TTC23: variants seen among roughly 807,000 people sequenced by gnomAD.
TTC23 encodes tetratricopeptide repeat protein 23.
Under a neutral mutation model 55.1 loss-of-function variants are expected in TTC23, and 58 were observed. That is an observed-to-expected ratio of 1.05 (90% CI 0.85 to 1.31). TTC23 has a LOEUF of 1.31. Among genes scored for constraint, TTC23 ranks in the 50% most tolerant of loss-of-function variants. The pLI is 0.00. For missense variants in TTC23, 516 were observed against 534.4 expected (o/e 0.97, Z 0.34); for synonymous variants, 203 against 199.9 (o/e 1.02, Z -0.13).
chr15:99,228,390 G>A (rs1382027271), intron 5 of TTC23, 143 bp downstream of exon 5: 1 of 651,192 alleles, frequency 1.5e-6, no homozygotes, highest in African/African-American at 1.8e-5. Context: ...ATTCATTCAT[G>A]TTATAACAAA....
Position 99,199,932 on chromosome 15 carries a change from T to A in TTC23, c.746A>T (p.Asn249Ile), listed in dbSNP as rs754156421. The A allele has an allele frequency of 5.0e-6, 8 of 1,611,750 alleles. No homozygotes were observed. Among genetic ancestry groups the A allele is most frequent in the Non-Finnish European group, 6.8e-6 (8 of 1,178,914 alleles). The part of the protein sequence containing the change: ...QALGLHDVSI[N>I]HFLQAHLIIL... ...CTTGTAGCTTACCTGGAGGAAGTGGTTGATGGATACATCGTGGAGTCCCAG... is the reference window on the plus strand; with the variant it reads ...CTTGTAGCTTACCTGGAGGAAGTGGATGATGGATACATCGTGGAGTCCCAG... The change falls in exon 9 of 14, where the codon AAC becomes ATC. Residue 249 changes from asparagine to isoleucine, a missense_variant. Asn to Ile is a moderately radical substitution (Grantham distance 149, BLOSUM62 -3). Transcript: ENST00000394132.
intron 4 of TTC23, among the ~76,000 whole-genome samples, chr15:99,229,092 A>G (rs1171757766): frequency 7.2e-6 from 1 of 139,688 alleles, no homozygotes; most frequent in African/African-American, 2.6e-5. Context: ...ACATATATAT[A>G]TAAAGTCCAG....
At chr15:99,151,472 A>G (rs1202340683) in intron 12 of TTC23, 1 of 152,348 alleles carries the variant, frequency 6.6e-6, no homozygotes, top group East Asian at 1.9e-4. Flanking sequence ...AGACATTGCC[A>G]TGAGAGATGA....
At position 99,180,151 on chromosome 15, in the gene TTC23, A is replaced by G. The variant is rs372979082; in HGVS notation, c.760-4996T>C. Among the ~76,000 whole-genome samples, 40 of 151,964 alleles carry G rather than the reference A, an allele frequency of 2.6e-4. 1 individual carries two copies. The South Asian group carries it at 8.1e-3, about 31-fold the overall frequency. The stretch of plus-strand genomic sequence containing the variant: ...CACTCCTTCTCCTCAGGATTTATTA[A>G]TCTCCCCAGGGCTTGCATTTCCCCT... On this transcript the variant is annotated intron_variant, in intron 9 of 13. Coordinates refer to ENST00000394132, the MANE Select transcript of TTC23 (RefSeq NM_001288615.3).
At chr15:99,215,160 G>C (rs528029865) in intron 8 of TTC23, among the ~76,000 whole-genome samples, 28 of 151,990 alleles carry the variant, frequency 1.8e-4, no homozygotes, top group African/African-American at 6.0e-4. Flanking sequence ...CTGACCTCCT[G>C]CCCATCTTTC....
chr15:99,154,782 TAA>T (rs2070314787), intron 12 of TTC23, among the ~76,000 whole-genome samples: 1 of 152,172 alleles, frequency 6.6e-6, no homozygotes. Context: ...GCACTCACGG[TAA>T]TAGAAATTGA....
chr15:99,169,109 C>A (rs754189216), intron 10 of TTC23, among the ~76,000 whole-genome samples: 18 of 152,206 alleles, frequency 1.2e-4, no homozygotes, highest in Non-Finnish European at 1.8e-4. Context: ...TCCACTGCAC[C>A]CTCACTTCCC....
chr15:99,173,132 G>C (rs758107029), intron 10 of TTC23, among the ~76,000 whole-genome samples: 1 of 152,140 alleles, frequency 6.6e-6, no homozygotes, highest in Non-Finnish European at 1.5e-5. Context: ...TTCAGGAATG[G>C]ACCCACCTCC....
intron 12 of TTC23, among the ~76,000 whole-genome samples, chr15:99,151,105 T>C (rs1380564293): frequency 1.3e-5 from 2 of 152,210 alleles, no homozygotes; most frequent in Non-Finnish European, 2.9e-5. Flanking sequence ...AACTCCCTCA[T>C]TGGTCTGGGA....
chr15:99,232,284 C>A (rs1379949394), intron 4 of TTC23, among the ~76,000 whole-genome samples: 1 of 151,336 alleles, frequency 6.6e-6, no homozygotes, highest in Non-Finnish European at 1.5e-5. Flanking sequence ...TGGAGACCAT[C>A]CTGGCTAACA....
rs756337683 is a variant in TTC23 at position 99,228,589 on chromosome 15, G to A, written c.124C>T (p.Arg42Ter). The change falls in exon 5 of 14, where the codon CGA becomes TGA. Residue 42 changes from arginine (R) to a stop codon, truncating the protein, a stop_gained. Coordinates refer to ENST00000394132, the MANE Select transcript of TTC23 (RefSeq NM_001288615.3). LOFTEE classifies it high-confidence loss of function. ...LLQTALFQPP[R>*]EKLHLCEEKA... The stretch of plus-strand genomic sequence containing the variant: ...TCTTCACAGAGGTGGAGTTTCTCTC[G>A]AGGAGGCTGGAATAGTGCTGTCTGA... The A allele has an allele frequency of 3.8e-5, 62 of 1,613,744 alleles. No homozygotes were observed. Among genetic ancestry groups the A allele is most frequent in the Admixed American group, 8.3e-5 (5 of 59,980 alleles).
chr15:99,169,433 G>A (rs1303398521), intron 10 of TTC23, among the ~76,000 whole-genome samples: 1 of 152,154 alleles, frequency 6.6e-6, no homozygotes, highest in Non-Finnish European at 1.5e-5. Flanking sequence ...GAAGGGCATG[G>A]GAAGGTAAAG....
At chr15:99,209,342 C>T (rs1190508586) in intron 8 of TTC23, among the ~76,000 whole-genome samples, 1 of 152,160 alleles carries the variant, frequency 6.6e-6, no homozygotes, top group East Asian at 1.9e-4. Context: ...ATGGGATTTT[C>T]CATAGCCAAC....
intron 12 of TTC23, chr15:99,139,623 T>C: frequency 6.6e-7 from 1 of 1,517,666 alleles, no homozygotes; most frequent in Non-Finnish European, 8.9e-7. Flanking sequence ...AAACTCTCTG[T>C]GACTATCTGT....
At position 99,219,042 on chromosome 15, in the gene TTC23, G is replaced by A. The variant is rs373739061; in HGVS notation, c.311C>T (p.Ser104Leu). ...AQGYLQLKGLSLQAKQHAEKA... is the reference protein window; with the variant it reads ...AQGYLQLKGLLLQAKQHAEKA... ...TTCTGCATGTTGTTTTGCTTGCAGT[G>A]ACAGTCCTGTGGACAAAGAAAAAGA... Residue 104 changes from serine to leucine, a missense_variant, in exon 7 of 14, where the codon TCA (serine) becomes TTA (leucine). By Grantham distance (145) the Ser-to-Leu change is moderately radical. Coordinates refer to ENST00000394132, the MANE Select transcript of TTC23 (RefSeq NM_001288615.3). 28 of 1,613,984 alleles carry A rather than the reference G, an allele frequency of 1.7e-5. No homozygotes were observed. Among genetic ancestry groups the A allele is most frequent in the Non-Finnish European group, 2.3e-5 (27 of 1,180,006 alleles).
chr15:99,190,288 T>G (rs535890598), intron 9 of TTC23, among the ~76,000 whole-genome samples: 126 of 151,608 alleles, frequency 8.3e-4, no homozygotes, highest in Non-Finnish European at 1.6e-3. Flanking sequence ...TTGTTTTTTT[T>G]TTTAGATGGA....
At chr15:99,219,247 T>A (rs1490967809) in intron 6 of TTC23, among the ~76,000 whole-genome samples, 199 bp from the exon 7 acceptor site, 1 of 152,172 alleles carries the variant, frequency 6.6e-6, no homozygotes, top group East Asian at 1.9e-4. Flanking sequence ...CCAAGATAAA[T>A]TTTCCCCCAA....
At chr15:99,180,704 G>A (rs2074030721) in intron 9 of TTC23, among the ~76,000 whole-genome samples, 1 of 152,212 alleles carries the variant, frequency 6.6e-6, no homozygotes, top group Non-Finnish European at 1.5e-5. Context: ...GGTGGGTCTT[G>A]GGGGTTAGGG....
intron 12 of TTC23, among the ~76,000 whole-genome samples, chr15:99,142,896 T>G (rs1385320734): frequency 6.6e-6 from 1 of 152,212 alleles, no homozygotes; most frequent in Non-Finnish European, 1.5e-5. Flanking sequence ...TCCTTTTCAG[T>G]AATCAAGCCC....
Sources: allele counts gnomAD v4.1 joint callset (sites outside exome capture counted in the v4.1 genomes callset), GRCh38; gene constraint gnomAD v4.1.1; transcripts MANE v1.5; gene names NCBI Gene and HGNC (gene_info 2026-07-23, HGNC 2026-07-21).